BTRC: variants seen among roughly 807,000 people sequenced by gnomAD.
BTRC encodes the protein F-box/WD repeat-containing protein 1A.
In BTRC, 42 loss-of-function variants were observed where a neutral mutation model predicts 85.5. The ratio of observed to expected loss-of-function variants is 0.49; its 90% CI spans 0.38 to 0.64. BTRC has a LOEUF of 0.64. Among genes scored for constraint, BTRC ranks in the 30% least tolerant of loss-of-function variants. The probability of loss-of-function intolerance (pLI) is 0.00; values close to 1 mark genes in which losing one functional copy is unlikely to be tolerated. For missense variants in BTRC, 594 were observed against 743.5 expected, an observed-to-expected ratio of 0.80 and a Z score of 2.34; for synonymous variants, 255 against 263.3, an observed-to-expected ratio of 0.97 and a Z score of 0.30.
chr10:101,406,395 A>C (rs989346876), intron 1 of BTRC, among the ~76,000 whole-genome samples: 36 of 149,812 alleles, frequency 2.4e-4, no homozygotes, highest in African/African-American at 8.4e-4. Flanking sequence ...TGATCTCCTG[A>C]CCTCGTGATC....
chr10:101,534,853 T>C lies in BTRC; in HGVS notation c.1290T>C (p.Asn430=). 1 of 1,614,012 alleles carries C rather than the reference T, an allele frequency of 6.2e-7. No homozygotes were observed. The highest frequency in any genetic ancestry group is 8.5e-7 in the Non-Finnish European group (1 of 1,179,868). Residue 430 remains asparagine, a synonymous_variant, in exon 10 of 15, where the codon AAT becomes AAC. Transcript: ENST00000370187. ...TGGTCGGACACCGAGCTGCTGTCAA[T>C]GTTGTAGACTTTGATGACAAGTACA... The part of the protein sequence containing the change: ...RVLVGHRAAV[N]VVDFDDKYIV...
intron 4 of BTRC, among the ~76,000 whole-genome samples, chr10:101,502,515 T>G (rs1377338959): frequency 6.6e-6 from 1 of 152,214 alleles, no homozygotes; most frequent in South Asian, 2.1e-4. Context: ...ACTGTTAGTC[T>G]TCATTCCTTT....
intron 13 of BTRC, 57 bp from the exon 14 acceptor site, chr10:101,550,642 T>C (rs2062634678): frequency 6.5e-7 from 1 of 1,543,252 alleles, no homozygotes; most frequent in Non-Finnish European, 8.9e-7. Flanking sequence ...GCTGAATTTG[T>C]GTCCTATTGA....
At position 101,554,442 on chromosome 10, in the gene BTRC, C is replaced by T. The variant is rs2062700567; in HGVS notation, c.*1319C>T. ...TTTTGTTGTTTTGTTTTGTTTTGGC[C>T]AGTTAAATATCATCTCTCAAATATT... On this transcript the variant is annotated 3_prime_UTR_variant, in exon 15 of 15. Coordinates refer to ENST00000370187, the MANE Select transcript of BTRC (RefSeq NM_033637.4). 1 of 152,488 alleles carries T rather than the reference C, an allele frequency of 6.6e-6. No individual in the cohort carries two copies. The highest frequency in any genetic ancestry group is 2.4e-5 in the African/African-American group (1 of 41,404). 9.4% of individuals were successfully genotyped at this position (152,488 alleles called of 1,614,324 possible).
chr10:101,367,069 T>C (rs1229456849), intron 1 of BTRC, among the ~76,000 whole-genome samples: 1 of 104,240 alleles, frequency 9.6e-6, no homozygotes, highest in Non-Finnish European at 1.8e-5. Context: ...AATATAAATA[T>C]ATATATATAT....
chr10:101,409,195 A>G (rs1230305496), intron 1 of BTRC, among the ~76,000 whole-genome samples: 3 of 152,204 alleles, frequency 2.0e-5, no homozygotes, highest in African/African-American at 4.8e-5. Flanking sequence ...ACATCATTCC[A>G]AGTAAAAGCT....
chr10:101,442,338 C>A (rs1944709638), intron 2 of BTRC, among the ~76,000 whole-genome samples: 1 of 123,198 alleles, frequency 8.1e-6, no homozygotes, highest in African/African-American at 3.5e-5. Context: ...TAATTCCAAC[C>A]TTAACGGGAG....
Position 101,473,773 on chromosome 10 carries a change from T to C in BTRC, c.235-5595T>C, listed in dbSNP as rs147199567. Among the ~76,000 whole-genome samples, 220 of 151,990 alleles carry C rather than the reference T, an allele frequency of 1.4e-3. 3 individuals carry two copies. Among genetic ancestry groups the C allele is most frequent in the African/African-American group, 4.7e-3 (196 of 41,446 alleles). On this transcript the variant is annotated intron_variant, in intron 3 of 14. Transcript: ENST00000370187. Reference sequence around the variant, plus strand: ...CACTGGGCCTGGCCAATTTTTTCTATTTTTTGTAGAGACAGGATCTCACTA... The same window carrying C: ...CACTGGGCCTGGCCAATTTTTTCTACTTTTTGTAGAGACAGGATCTCACTA...
intron 1 of BTRC, among the ~76,000 whole-genome samples, chr10:101,386,574 A>G (rs1488575025): frequency 6.6e-6 from 1 of 152,226 alleles, no homozygotes; most frequent in East Asian, 1.9e-4. Context: ...CTACTTAGAA[A>G]AAGAGTTTTT....
rs371336032 is a variant in BTRC at position 101,461,948 on chromosome 10, G to C, written c.157-33G>C. 3.4e-6 allele frequency: 5 copies of C among 1,487,508 alleles called. No individual in the cohort carries two copies. In the African/African-American group the frequency reaches 7.0e-5, roughly 21 times the overall value. 92.1% of individuals were successfully genotyped at this position (1,487,508 alleles called of 1,614,324 possible). ...CCCAAAGGATAAGATTGAAGATAAT[G>C]AGAACTGAATTAAAGCTTACTTTCT... On this transcript the variant is annotated intron_variant, in intron 2 of 14. Transcript: ENST00000370187.
chr10:101,546,891 G>C (rs1308724703), intron 13 of BTRC, among the ~76,000 whole-genome samples: 1 of 152,174 alleles, frequency 6.6e-6, no homozygotes. Flanking sequence ...TTTCCAAACA[G>C]AGAAACTAAG....
intron 1 of BTRC, among the ~76,000 whole-genome samples, chr10:101,410,139 G>A (rs1943736525): frequency 3.3e-5 from 5 of 152,168 alleles, no homozygotes; most frequent in Admixed American, 3.3e-4. Context: ...AGACTGGACA[G>A]GAGTTTACTG....
chr10:101,385,117 C>A (rs1943031481), intron 1 of BTRC, among the ~76,000 whole-genome samples: 1 of 151,908 alleles, frequency 6.6e-6, no homozygotes, highest in South Asian at 2.1e-4. Flanking sequence ...CCTGTAGTCC[C>A]AGCTACTTGC....
intron 4 of BTRC, among the ~76,000 whole-genome samples, chr10:101,510,566 A>C (rs1207227447): frequency 2.0e-5 from 3 of 152,142 alleles, no homozygotes; most frequent in Non-Finnish European, 2.9e-5. Context: ...AAACCTGACA[A>C]CAGCCTCTAG....
At chr10:101,494,111 C>T (rs1422473664) in intron 4 of BTRC, among the ~76,000 whole-genome samples, 1 of 152,210 alleles carries the variant, frequency 6.6e-6, no homozygotes, top group Non-Finnish European at 1.5e-5. Context: ...TAATGAATAA[C>T]TGTTTTCAGA....
At chr10:101,517,252 C>G (rs983734104) in intron 4 of BTRC, among the ~76,000 whole-genome samples, 1 of 152,128 alleles carries the variant, frequency 6.6e-6, no homozygotes, top group Non-Finnish European at 1.5e-5. Context: ...TATAAAATGG[C>G]CTAATGCCAT....
chr10:101,419,813 C>G (rs1944049275), intron 1 of BTRC, among the ~76,000 whole-genome samples: 2 of 152,252 alleles, frequency 1.3e-5, no homozygotes, highest in East Asian at 3.9e-4. Flanking sequence ...TGTAGCCTGC[C>G]TCAGTCTTTC....
At chr10:101,456,039 C>T (rs544193515) in intron 2 of BTRC, among the ~76,000 whole-genome samples, 101 of 123,530 alleles carry the variant, frequency 8.2e-4, no homozygotes, top group Admixed American at 2.2e-3. Flanking sequence ...GGCATGGTGG[C>T]GCATGCCTGT....
chr10:101,457,153 GCT>G (rs1945103763), intron 2 of BTRC, among the ~76,000 whole-genome samples: 2 of 152,288 alleles, frequency 1.3e-5, no homozygotes, highest in Non-Finnish European at 1.5e-5. Context: ...ACATGAATAT[GCT>G]CTCTCAAAAT....
Sources: gnomAD v4.1 joint callset for allele counts (sites outside exome capture counted in the v4.1 genomes callset) on GRCh38, gnomAD v4.1.1 for gene constraint, MANE v1.5 for transcripts, NCBI Gene and HGNC (gene_info 2026-07-23, HGNC 2026-07-21) for gene names.